Variants in SEMA5A observed in about 807,000 individuals in gnomAD.
SEMA5A encodes semaphorin-5A.
In SEMA5A, 55 loss-of-function variants were observed where a neutral mutation model predicts 135.5. The observed-to-expected ratio is 0.41, with a 90% CI of 0.33 to 0.51. The LOEUF is 0.51. Among genes scored for constraint, SEMA5A ranks in the 20% least tolerant of loss-of-function variants. SEMA5A has a pLI of 0.37. For missense variants in SEMA5A, 1,290 were observed against 1,419.9 expected (o/e 0.91, Z 1.47); for synonymous variants, 580 against 546.5 (o/e 1.06, Z -0.85).
At chr5:9,531,420 G>A (rs1334468010) in intron 1 of SEMA5A, among the ~76,000 whole-genome samples, 1 of 152,146 alleles carries the variant, frequency 6.6e-6, no homozygotes, top group African/African-American at 2.4e-5. Context: ...AGAGCCCTGG[G>A]CAAGTACCAA....
chr5:9,207,907 A>G lies in SEMA5A; in HGVS notation c.647-5667T>C, dbSNP rs6886337. Among the ~76,000 whole-genome samples, 9 of 40,076 alleles carry G rather than the reference A, an allele frequency of 2.2e-4. No homozygotes were observed. The East Asian group carries it at 3.1e-3, about 14-fold the overall frequency. The allele number at this position is 40,076 out of a possible 152,430, so 26.3% of individuals were successfully genotyped here. On this transcript the variant is annotated intron_variant, in intron 8 of 22. Transcript: ENST00000382496. ...TAGATAGATAGATAGATACATAGAT[A>G]GATAGATAATAGATAGATTTTAATA...
intron 1 of SEMA5A, among the ~76,000 whole-genome samples, chr5:9,464,839 G>A (rs956412017): frequency 1.3e-5 from 2 of 152,192 alleles, no homozygotes; most frequent in Non-Finnish European, 2.9e-5. Flanking sequence ...AAGCACTCAG[G>A]TCTCTTTTGG....
chr5:9,520,400 C>T (rs746662555), intron 1 of SEMA5A, among the ~76,000 whole-genome samples: 2 of 151,868 alleles, frequency 1.3e-5, no homozygotes, highest in African/African-American at 4.8e-5. Flanking sequence ...GGGAGGGAGT[C>T]GCTGAAATGG....
At chr5:9,468,198 A>T (rs1356200744) in intron 1 of SEMA5A, among the ~76,000 whole-genome samples, 2 of 152,226 alleles carry the variant, frequency 1.3e-5, no homozygotes, top group Admixed American at 6.5e-5. Context: ...TGACAGAAGC[A>T]GGCATTGTTG....
intron 1 of SEMA5A, among the ~76,000 whole-genome samples, chr5:9,480,557 T>C (rs532272663): frequency 5.6e-4 from 85 of 152,322 alleles, no homozygotes; most frequent in African/African-American, 2.0e-3. Flanking sequence ...CCTTTGTGAG[T>C]ATGAATACGC....
chr5:9,411,385 C>T (rs1044606911), intron 2 of SEMA5A, among the ~76,000 whole-genome samples: 2 of 152,192 alleles, frequency 1.3e-5, no homozygotes, highest in Non-Finnish European at 2.9e-5. Context: ...TGTGTCTCAG[C>T]CCACACGCAA....
At chr5:9,407,802 G>C (rs1756944271) in intron 2 of SEMA5A, among the ~76,000 whole-genome samples, 1 of 152,046 alleles carries the variant, frequency 6.6e-6, no homozygotes, top group Non-Finnish European at 1.5e-5. Context: ...TTAAGCTCTG[G>C]ATGGTGAGTA....
intron 3 of SEMA5A, among the ~76,000 whole-genome samples, chr5:9,356,024 G>T (rs1229617668): frequency 6.6e-6 from 1 of 152,064 alleles, no homozygotes; most frequent in African/African-American, 2.4e-5. Flanking sequence ...CTTCATACAG[G>T]CTTTTAAGGA....
chr5:9,203,853 A>T (rs563539431), intron 8 of SEMA5A, among the ~76,000 whole-genome samples: 2 of 152,288 alleles, frequency 1.3e-5, no homozygotes, highest in South Asian at 4.1e-4. Context: ...ACATTGTAAA[A>T]GATGGAGGTT....
At chr5:9,389,104 A>G (rs1479143826) in intron 2 of SEMA5A, among the ~76,000 whole-genome samples, 2 of 152,062 alleles carry the variant, frequency 1.3e-5, no homozygotes, top group Admixed American at 6.5e-5. Context: ...ATGTAACTAG[A>G]TATCTCCATG....
At chr5:9,398,510 G>A (rs867055819) in intron 2 of SEMA5A, among the ~76,000 whole-genome samples, 1 of 152,210 alleles carries the variant, frequency 6.6e-6, no homozygotes, top group African/African-American at 2.4e-5. Context: ...GTTATAGCAA[G>A]GGCCAGGTCT....
At chr5:9,380,347 GGGATTGGCC>G (rs1755544910) in intron 2 of SEMA5A, 1 of 165,422 alleles carries the variant, frequency 6.0e-6, no homozygotes, top group African/African-American at 2.4e-5. Flanking sequence ...ATTAATAGTT[GGGATTGGCC>G]GGATTTCCCT....
intron 5 of SEMA5A, among the ~76,000 whole-genome samples, chr5:9,246,222 T>A (rs1748474662): frequency 1.3e-5 from 2 of 150,356 alleles, no homozygotes; most frequent in Non-Finnish European, 1.5e-5. Context: ...AGACTAAATG[T>A]AGCGAAAAAA....
At chr5:9,362,096 G>C (rs558096488) in intron 3 of SEMA5A, among the ~76,000 whole-genome samples, 5 of 152,212 alleles carry the variant, frequency 3.3e-5, no homozygotes, top group African/African-American at 1.2e-4. Context: ...TTCTCGTCTT[G>C]GGGGGTGAAT....
chr5:9,053,216 A>G (rs1366024714), intron 19 of SEMA5A, among the ~76,000 whole-genome samples: 4 of 152,182 alleles, frequency 2.6e-5, no homozygotes, highest in Admixed American at 6.5e-5. Flanking sequence ...GGAGGCCCCA[A>G]GCGCCTGCAT....
intron 5 of SEMA5A, among the ~76,000 whole-genome samples, chr5:9,312,249 G>A (rs1427735664): frequency 1.3e-5 from 2 of 151,174 alleles, no homozygotes; most frequent in South Asian, 2.1e-4. Flanking sequence ...ATTATGACAT[G>A]AGGTAAAAGA....
chr5:9,513,855 C>T (rs184726105), intron 1 of SEMA5A, among the ~76,000 whole-genome samples: 1 of 152,304 alleles, frequency 6.6e-6, no homozygotes, highest in East Asian at 1.9e-4. Flanking sequence ...GTCAAAAGCT[C>T]ACTAGTGAGA....
At chr5:9,384,325 C>A (rs973594921) in intron 2 of SEMA5A, among the ~76,000 whole-genome samples, 1 of 152,080 alleles carries the variant, frequency 6.6e-6, no homozygotes, top group Admixed American at 6.5e-5. Context: ...GGAACACATT[C>A]ATACCAGGGC....
intron 13 of SEMA5A, among the ~76,000 whole-genome samples, chr5:9,129,091 T>C (rs1456624211): frequency 1.3e-5 from 2 of 152,238 alleles, no homozygotes; most frequent in Non-Finnish European, 2.9e-5. Context: ...ATAAATGTTC[T>C]CTTTCCAAAT....
Sources: allele counts gnomAD v4.1 joint callset (sites outside exome capture counted in the v4.1 genomes callset), GRCh38; gene constraint gnomAD v4.1.1; transcripts MANE v1.5; gene names NCBI Gene and HGNC (gene_info 2026-07-23, HGNC 2026-07-21).